The following CFAP58 variants were observed in gnomAD, a reference collection of about 807,000 sequenced individuals.
CFAP58 encodes the protein cilia- and flagella-associated protein 58.
A neutral mutation model predicts 119.5 loss-of-function variants in CFAP58; 88 were observed. That is an observed-to-expected ratio of 0.74 (90% CI 0.62 to 0.88). The LOEUF is 0.88. Ranked by LOEUF, CFAP58 falls within the 40% of genes least tolerant of loss-of-function variation. CFAP58 has a pLI of 0.00. For synonymous variants in CFAP58, 365 were observed against 366.3 expected, an observed-to-expected ratio of 1.00 and a Z score of 0.04; for missense variants, 990 against 1,021.2, an observed-to-expected ratio of 0.97 and a Z score of 0.42.
At chr10:104,443,616 T>G (rs1213893238) in intron 15 of CFAP58, among the ~76,000 whole-genome samples, 1 of 152,208 alleles carries the variant, frequency 6.6e-6, no homozygotes, top group Non-Finnish European at 1.5e-5. Context: ...GAAGAAGGGG[T>G]GCTGAGGTGC....
chr10:104,365,853 C>A lies in CFAP58; in HGVS notation c.637C>A (p.Arg213=). The change falls in exon 5 of 18, where the codon CGG becomes AGG. Residue 213 remains arginine (R), a synonymous_variant. Coordinates refer to ENST00000369704, the MANE Select transcript of CFAP58 (RefSeq NM_001008723.2). ...CCAGCAACGTCAGAACGAAGCTTCCCGGGAGTTCCGGAAGAAGGAAAAACT... is the reference window on the plus strand; with the variant it reads ...CCAGCAACGTCAGAACGAAGCTTCCAGGGAGTTCCGGAAGAAGGAAAAACT... The part of the protein sequence containing the change: ...EIQQRQNEAS[R]EFRKKEKLEK... The A allele has an allele frequency of 1.2e-6, 2 of 1,612,708 alleles. No individual in the cohort carries two copies. Among genetic ancestry groups the A allele is most frequent in the East Asian group, 2.2e-5 (1 of 44,772 alleles).
At chr10:104,356,130 A>G (rs2014539628) in intron 1 of CFAP58, among the ~76,000 whole-genome samples, 1 of 152,258 alleles carries the variant, frequency 6.6e-6, no homozygotes, top group Non-Finnish European at 1.5e-5. Flanking sequence ...ATCTGCTTTT[A>G]GTCAGGAAGA....
chr10:104,410,756 C>G (rs937641874), intron 15 of CFAP58, among the ~76,000 whole-genome samples: 1 of 152,108 alleles, frequency 6.6e-6, no homozygotes, highest in Non-Finnish European at 1.5e-5. Flanking sequence ...TTTCCTGAAT[C>G]TGAGGGTTCC....
chr10:104,365,744 G>C, intron 4 of CFAP58, 70 bp from the exon 5 acceptor site: 1 of 1,372,664 alleles, frequency 7.3e-7, no homozygotes, highest in Non-Finnish European at 9.9e-7. Context: ...AGAGGAGGGG[G>C]CTTGGCTGGC....
intron 2 of CFAP58, 130 bp from the exon 3 acceptor site, chr10:104,361,893 A>G: frequency 1.2e-6 from 1 of 825,426 alleles, no homozygotes; most frequent in Non-Finnish European, 1.9e-6. Flanking sequence ...TGACTAGCTC[A>G]TGTTAAACAA....
At chr10:104,407,707 T>C (rs1003480261) in intron 15 of CFAP58, among the ~76,000 whole-genome samples, 2 of 152,164 alleles carry the variant, frequency 1.3e-5, no homozygotes, top group African/African-American at 4.8e-5. Context: ...AATTAATTAA[T>C]TAATTTTTTG....
intron 1 of CFAP58, among the ~76,000 whole-genome samples, chr10:104,357,954 T>TATAC (rs2014600869): frequency 9.3e-6 from 1 of 107,864 alleles, no homozygotes; most frequent in East Asian, 2.3e-4. Context: ...TACACATATA[T>TATAC]ACACATATAT....
intron 15 of CFAP58, among the ~76,000 whole-genome samples, chr10:104,413,061 G>A (rs1378619938): frequency 6.6e-6 from 1 of 152,216 alleles, no homozygotes; most frequent in African/African-American, 2.4e-5. Flanking sequence ...TCGCAAAGGA[G>A]TTCTGGTGTC....
At chr10:104,350,270 C>T (rs1263682117), upstream of CFAP58, among the ~76,000 whole-genome samples, 2 of 152,152 alleles carry the variant, frequency 1.3e-5, no homozygotes, top group Non-Finnish European at 2.9e-5. Context: ...TAGAAGCACT[C>T]ATTTGTCTAA....
At chr10:104,362,378 C>G (rs1178436096) in intron 3 of CFAP58, among the ~76,000 whole-genome samples, 1 of 152,184 alleles carries the variant, frequency 6.6e-6, no homozygotes, top group Non-Finnish European at 1.5e-5. Context: ...TTGTGGTTAT[C>G]TTAAACTTCT....
chr10:104,379,979 A>G (rs368450128), intron 8 of CFAP58, 50 bp from the exon 9 acceptor site: 1 of 1,527,072 alleles, frequency 6.5e-7, no homozygotes, highest in African/African-American at 1.4e-5. Flanking sequence ...CTTAACCCCA[A>G]ATCCTTGAAC....
At chr10:104,365,547 A>G (rs1402602627) in intron 4 of CFAP58, among the ~76,000 whole-genome samples, 3 of 152,218 alleles carry the variant, frequency 2.0e-5, no homozygotes, top group East Asian at 3.9e-4. Flanking sequence ...CTGAGCTTCC[A>G]TATGTATTTG....
chr10:104,371,956 C>A (rs370027487), intron 7 of CFAP58, among the ~76,000 whole-genome samples: 2 of 151,996 alleles, frequency 1.3e-5, no homozygotes, highest in Non-Finnish European at 2.9e-5. Context: ...AGACAACATA[C>A]GTAAAAGCAC....
intron 15 of CFAP58, among the ~76,000 whole-genome samples, chr10:104,443,918 C>G (rs1235368630): frequency 4.6e-5 from 7 of 152,174 alleles, no homozygotes; most frequent in Admixed American, 4.6e-4. Context: ...TGTGTGATTA[C>G]CCAGCATAAC....
chr10:104,374,959 C>T (rs983495705), intron 7 of CFAP58, among the ~76,000 whole-genome samples: 57 of 151,314 alleles, frequency 3.8e-4, no homozygotes, highest in Middle Eastern at 3.4e-3. Context: ...AATTCGGATG[C>T]TGATGCACAT....
chr10:104,409,817 G>T (rs2012431557), intron 15 of CFAP58, among the ~76,000 whole-genome samples: 1 of 151,228 alleles, frequency 6.6e-6, no homozygotes, highest in African/African-American at 2.4e-5. Context: ...TAAACTTTTG[G>T]TGTCTTTGTA....
chr10:104,363,687 C>T (rs1005956817), intron 3 of CFAP58, among the ~76,000 whole-genome samples: 8 of 152,152 alleles, frequency 5.3e-5, no homozygotes, highest in Non-Finnish European at 1.0e-4. Context: ...TAGTAACCTT[C>T]GAATTTGAGG....
chr10:104,381,325 G>T (rs950305248), intron 9 of CFAP58, among the ~76,000 whole-genome samples: 2 of 152,162 alleles, frequency 1.3e-5, no homozygotes, highest in African/African-American at 2.4e-5. Flanking sequence ...ATTTTAGCCA[G>T]CTGTCTTAGT....
In CFAP58 at chr10:104,380,227, T is replaced by A; in HGVS notation, c.1365+7T>A. 1 of 1,612,060 alleles carries A rather than the reference T, an allele frequency of 6.2e-7. No homozygotes were observed. Among genetic ancestry groups the A allele is most frequent in the South Asian group, 1.1e-5 (1 of 90,848 alleles). On this transcript the variant is annotated splice_region_variant and intron_variant, in intron 9 of 17. Transcript: ENST00000369704. ...CAGTGACCTTACGCAAAAGGTAAGC[T>A]GCTCAGTGATGTTGTGGGTGGAGCA...
Sources: allele counts gnomAD v4.1 joint callset (sites outside exome capture counted in the v4.1 genomes callset), GRCh38; gene constraint gnomAD v4.1.1; transcripts MANE v1.5; gene names NCBI Gene and HGNC (gene_info 2026-07-23, HGNC 2026-07-21).